TMEM114: variants seen among roughly 807,000 people sequenced by gnomAD.
TMEM114 encodes the protein claudin-26.
A neutral mutation model predicts 6.2 loss-of-function variants in TMEM114; 6 were observed. The observed-to-expected ratio is 0.97, with a 90% CI of 0.53 to 1.91. The LOEUF (loss-of-function observed/expected upper bound fraction) is 1.91, where lower values mean the gene tolerates loss of function less well. Ranked by LOEUF, TMEM114 falls within the 40% of genes most tolerant of loss-of-function variation. The pLI is 0.01. For synonymous variants in TMEM114, 104 were observed against 73.0 expected, an observed-to-expected ratio of 1.42 and a Z score of -2.16; for missense variants, 218 against 158.3, an observed-to-expected ratio of 1.38 and a Z score of -2.02.
intron 2 of TMEM114, among the ~76,000 whole-genome samples, chr16:8,587,547 A>C (rs1417451250): frequency 2.6e-5 from 4 of 152,326 alleles, no homozygotes; most frequent in South Asian, 4.1e-4. Flanking sequence ...TGGCAGGAGG[A>C]AACTTAGCAT....
Position 8,553,196 on chromosome 16 carries a change from G to A in TMEM114, n.213-15370C>T, listed in dbSNP as rs144189357. Among the ~76,000 whole-genome samples the A allele has an allele frequency of 1.2e-3, 179 of 152,328 alleles. 4 individuals carry two copies. Among genetic ancestry groups the A allele is most frequent in the Admixed American group, 0.01 (160 of 15,304 alleles). Reference sequence around the variant, plus strand: ...TGAGAAACACTCAGCTGGCCCTGGGGCATCAGCTCAGTGCCCCTGCTTTCC... The same window carrying A: ...TGAGAAACACTCAGCTGGCCCTGGGACATCAGCTCAGTGCCCCTGCTTTCC... On this transcript the variant is annotated intron_variant and non_coding_transcript_variant, in intron 2 of 2. Coordinates refer to the TMEM114 transcript ENST00000623677.
In TMEM114 at chr16:8,579,802, A is replaced by T. The variant is rs1364067437; in HGVS notation, c.302-7578T>A. Among the ~76,000 whole-genome samples the T allele has an allele frequency of 2.6e-5, 4 of 152,264 alleles. 1 individual carries two copies. In the South Asian group the frequency reaches 8.3e-4, roughly 32 times the overall value. On this transcript the variant is annotated intron_variant, in intron 2 of 3. Coordinates refer to ENST00000620492, the MANE Select transcript of TMEM114 (RefSeq NM_001146336.2). The stretch of plus-strand genomic sequence containing the variant: ...TCAAGGAACTTATATCAACTACCCC[A>T]AGAGCCAATGGCCATGAAGTGTCAG...
At chr16:8,553,014 C>T (rs1900894133) in intron 2 of TMEM114, among the ~76,000 whole-genome samples, 1 of 152,254 alleles carries the variant, frequency 6.6e-6, no homozygotes, top group African/African-American at 2.4e-5. Flanking sequence ...GCTCTGCTCA[C>T]TTGCTAATCC....
downstream of TMEM114, among the ~76,000 whole-genome samples, chr16:8,568,931 C>T (rs1302574779): frequency 1.3e-5 from 2 of 152,232 alleles, no homozygotes; most frequent in Non-Finnish European, 2.9e-5. Context: ...CGCCCCACCT[C>T]GGCATTTATG....
At chr16:8,556,548 C>T (rs1334151416) in intron 2 of TMEM114, among the ~76,000 whole-genome samples, 2 of 152,118 alleles carry the variant, frequency 1.3e-5, no homozygotes, top group Non-Finnish European at 2.9e-5. Flanking sequence ...GTTGCCCAGG[C>T]TGGAGTGCAA....
chr16:8,572,249 A>C, intron 2 of TMEM114, 25 bp from the exon 3 acceptor site: 1 of 1,551,586 alleles, frequency 6.4e-7, no homozygotes, highest in Middle Eastern at 1.7e-4. Context: ...AGAGGATACC[A>C]GGCAGAGGAC....
At chr16:8,560,318 A>G (rs1287335437) in intron 2 of TMEM114, among the ~76,000 whole-genome samples, 3 of 151,914 alleles carry the variant, frequency 2.0e-5, no homozygotes, top group African/African-American at 7.3e-5. Flanking sequence ...TCTTGGATGC[A>G]TCCTTGACCT....
At chr16:8,559,993 C>T (rs1377646176) in intron 2 of TMEM114, among the ~76,000 whole-genome samples, 1 of 151,948 alleles carries the variant, frequency 6.6e-6, no homozygotes, top group Non-Finnish European at 1.5e-5. Context: ...GGCTAATGAT[C>T]TTGTTGTGGT....
chr16:8,534,769 T>C (rs546439284), downstream of TMEM114, among the ~76,000 whole-genome samples: 1 of 152,360 alleles, frequency 6.6e-6, no homozygotes, highest in South Asian at 2.1e-4. Flanking sequence ...TTCATGCAAC[T>C]ATCATCAGAG....
At chr16:8,552,211 C>CA (rs35740277) in intron 2 of TMEM114, among the ~76,000 whole-genome samples, 4,315 of 128,622 alleles carry the variant, frequency 0.034, 88 homozygotes, top group Middle Eastern at 0.076. Context: ...CCTATCTCTG[C>CA]AAAAAAAAAA....
At chr16:8,589,371 T>G in intron 1 of TMEM114, 78 bp from the exon 2 acceptor site, 1 of 398,808 alleles carries the variant, frequency 2.5e-6, no homozygotes, top group Non-Finnish European at 4.4e-6. Context: ...TTTGCCCCCA[T>G]GCTCACCCTA....
At chr16:8,540,554 T>C (rs1422866433) in intron 2 of TMEM114, among the ~76,000 whole-genome samples, 1 of 152,190 alleles carries the variant, frequency 6.6e-6, no homozygotes, top group Non-Finnish European at 1.5e-5. Context: ...GGTTGGATAG[T>C]CAATGAAAGA....
downstream of TMEM114, among the ~76,000 whole-genome samples, chr16:8,536,944 A>G (rs899591798): frequency 6.6e-6 from 1 of 152,140 alleles, no homozygotes; most frequent in African/African-American, 2.4e-5. Context: ...GCAGTGGCTC[A>G]CACCTGTAAT....
At chr16:8,557,002 G>A (rs1901033908) in intron 2 of TMEM114, among the ~76,000 whole-genome samples, 1 of 152,160 alleles carries the variant, frequency 6.6e-6, no homozygotes. Flanking sequence ...AGCTGGAGGT[G>A]TCTGAGATCC....
chr16:8,568,262 C>T (rs537471568), downstream of TMEM114, among the ~76,000 whole-genome samples: 1 of 152,294 alleles, frequency 6.6e-6, no homozygotes, highest in African/African-American at 2.4e-5. Flanking sequence ...AGGTCTGGGT[C>T]TGGAGGAGTC....
rs577849861 is a variant in TMEM114 at position 8,553,642 on chromosome 16, C to T, written n.213-15816G>A. Among the ~76,000 whole-genome samples, 16 of 152,228 alleles carry T rather than the reference C, an allele frequency of 1.1e-4. No individual in the cohort carries two copies. The East Asian group carries it at 2.9e-3, about 28-fold the overall frequency. On this transcript the variant is annotated intron_variant and non_coding_transcript_variant, in intron 2 of 2. Coordinates refer to the TMEM114 transcript ENST00000623677. ...CTGGGACTGCCGGCGCCTGCCATCA[C>T]GCCTCCTATTTTGTATTTTTAGTAG...
intron 2 of TMEM114, among the ~76,000 whole-genome samples, chr16:8,544,315 G>A (rs74836170): frequency 0.015 from 2,347 of 152,298 alleles, 59 homozygotes; most frequent in African/African-American, 0.054. Context: ...ACAAATGTTT[G>A]TTGAGCATTA....
At chr16:8,576,992 C>A (rs1202163795) in intron 2 of TMEM114, among the ~76,000 whole-genome samples, 3 of 152,222 alleles carry the variant, frequency 2.0e-5, no homozygotes, top group African/African-American at 7.2e-5. Context: ...TCCACATGAT[C>A]ATAGACCTTC....
downstream of TMEM114, among the ~76,000 whole-genome samples, chr16:8,566,009 A>G (rs1337381721): frequency 6.6e-6 from 1 of 152,236 alleles, no homozygotes; most frequent in Non-Finnish European, 1.5e-5. Context: ...AGAACAGATC[A>G]GAACAAAATG....
Sources: gnomAD v4.1 joint callset for allele counts (sites outside exome capture counted in the v4.1 genomes callset) on GRCh38, gnomAD v4.1.1 for gene constraint, MANE v1.5 for transcripts, NCBI Gene and HGNC (gene_info 2026-07-23, HGNC 2026-07-21) for gene names.